The following INPP5A variants were observed in gnomAD, a reference collection of about 807,000 sequenced individuals.
INPP5A encodes 43 kDa inositol polyphosphate 5-phophatase.
A neutral mutation model predicts 65.2 loss-of-function variants in INPP5A; 14 were observed. The ratio of observed to expected loss-of-function variants is 0.21; its 90% CI spans 0.14 to 0.34. The LOEUF (loss-of-function observed/expected upper bound fraction) is 0.34. Among genes scored for constraint, INPP5A ranks in the 10% least tolerant of loss-of-function variants. The pLI is 1.00. For missense variants in INPP5A, 431 were observed against 545.6 expected (o/e 0.79, Z 2.09); for synonymous variants, 207 against 208.3 (o/e 0.99, Z 0.05).
chr10:132,719,762 T>C (rs1344521376), intron 8 of INPP5A, among the ~76,000 whole-genome samples: 1 of 118,444 alleles, frequency 8.4e-6, no homozygotes, highest in African/African-American at 3.2e-5. Context: ...CCTGGGTTCT[T>C]TCTGTGTGCC....
At chr10:132,690,521 C>G in intron 5 of INPP5A, 66 bp downstream of exon 5, 1 of 1,164,356 alleles carries the variant, frequency 8.6e-7, no homozygotes, top group Non-Finnish European at 1.3e-6. Context: ...TCTGGCTTCC[C>G]CAGACCTCTC....
At chr10:132,763,219 C>T (rs1392381549) in intron 11 of INPP5A, among the ~76,000 whole-genome samples, 1 of 152,200 alleles carries the variant, frequency 6.6e-6, no homozygotes, top group East Asian at 1.9e-4. Context: ...CAGCAGATCT[C>T]ATAGATGCTC....
intron 11 of INPP5A, among the ~76,000 whole-genome samples, 188 bp downstream of exon 11, chr10:132,750,033 T>A (rs1846446054): frequency 6.6e-6 from 1 of 152,106 alleles, no homozygotes. Flanking sequence ...CCGGGCCAGG[T>A]TGGGTGGAGG....
At chr10:132,605,932 C>T (rs2071843063) in intron 1 of INPP5A, among the ~76,000 whole-genome samples, 1 of 152,214 alleles carries the variant, frequency 6.6e-6, no homozygotes, top group Non-Finnish European at 1.5e-5. Context: ...CGTGTTAGGA[C>T]TGTCTGGGCT....
intron 11 of INPP5A, among the ~76,000 whole-genome samples, chr10:132,761,206 G>A (rs182605597): frequency 2.0e-5 from 3 of 152,338 alleles, no homozygotes; most frequent in Admixed American, 1.3e-4. Flanking sequence ...AGACTTCTAT[G>A]AACTTGCATC....
chr10:132,753,172 T>C lies in INPP5A; in HGVS notation c.903+3327T>C, dbSNP rs1184395875. 6.6e-6 allele frequency among the ~76,000 whole-genome samples: 1 copy of C among 152,158 alleles called. No individual in the cohort carries two copies. The highest frequency in any genetic ancestry group is 1.5e-5 in the Non-Finnish European group (1 of 68,032). ...CCTGCTGACCCGGGTGCCCTCGCACTTGCCCGAGGTGCCGGCATGCCGAGT... is the reference window on the plus strand; with the variant it reads ...CCTGCTGACCCGGGTGCCCTCGCACCTGCCCGAGGTGCCGGCATGCCGAGT... On this transcript the variant is annotated intron_variant, in intron 11 of 15. Coordinates refer to ENST00000368594, the MANE Select transcript of INPP5A (RefSeq NM_005539.5). This position sits in a 1 kb window ranked among gnomAD's most constrained non-coding sequence, Gnocchi z 5.3.
At chr10:132,562,107 G>A (rs1353526835) in intron 1 of INPP5A, among the ~76,000 whole-genome samples, 1 of 152,280 alleles carries the variant, frequency 6.6e-6, no homozygotes, top group African/African-American at 2.4e-5. Context: ...GCGGCCTCCT[G>A]TGAAGAGGGG....
At chr10:132,598,863 A>C (rs966832715) in intron 1 of INPP5A, among the ~76,000 whole-genome samples, 7 of 152,210 alleles carry the variant, frequency 4.6e-5, no homozygotes, top group African/African-American at 1.7e-4. Context: ...GCAGCAAGAG[A>C]AAATGAGAGA....
At chr10:132,570,889 T>G (rs575534274) in intron 1 of INPP5A, among the ~76,000 whole-genome samples, 1 of 152,350 alleles carries the variant, frequency 6.6e-6, no homozygotes, top group East Asian at 1.9e-4. Flanking sequence ...TTCCGGCCGC[T>G]GCTGCTCTCA....
intron 11 of INPP5A, among the ~76,000 whole-genome samples, chr10:132,764,231 T>G (rs1481068967): frequency 6.6e-6 from 1 of 152,342 alleles, no homozygotes; most frequent in Non-Finnish European, 1.5e-5. Flanking sequence ...ATGGACGAGG[T>G]CACAGGAAGA....
In INPP5A at chr10:132,546,307, T is replaced by A. The variant is rs974541170; in HGVS notation, c.75+8136T>A. Among the ~76,000 whole-genome samples the A allele has an allele frequency of 4.6e-5, 7 of 152,194 alleles. No individual in the cohort carries two copies. The highest frequency in any genetic ancestry group is 1.7e-4 in the African/African-American group (7 of 41,444). The stretch of plus-strand genomic sequence containing the variant: ...TGAGTGTTGGGAAAAGGCCCTCTGC[T>A]GCCGCTCCAGGTTCAGAAGATGCCG... On this transcript the variant is annotated intron_variant, in intron 1 of 15. Transcript: ENST00000368594. The surrounding 1 kb of genome is among the most constrained non-coding windows in gnomAD (Gnocchi z 5.7).
At chr10:132,716,000 C>A (rs555551264) in intron 8 of INPP5A, among the ~76,000 whole-genome samples, 1 of 152,242 alleles carries the variant, frequency 6.6e-6, no homozygotes, top group Non-Finnish European at 1.5e-5. Context: ...CTCTCCAGGG[C>A]GTGGTCGGTC....
chr10:132,612,088 A>AGGGT (rs2071967120), intron 2 of INPP5A, among the ~76,000 whole-genome samples: 1 of 47,946 alleles, frequency 2.1e-5, no homozygotes, highest in African/African-American at 8.6e-5. Flanking sequence ...CAGAGAGGGG[A>AGGGT]GAGGGAAGTG....
At chr10:132,672,575 A>G (rs1247052330) in intron 4 of INPP5A, among the ~76,000 whole-genome samples, 3 of 152,146 alleles carry the variant, frequency 2.0e-5, no homozygotes, top group African/African-American at 7.2e-5. Flanking sequence ...GCCTTCTGCC[A>G]TGATTGTGAG....
At chr10:132,748,050 C>CA (rs1292979844) in intron 9 of INPP5A, among the ~76,000 whole-genome samples, 2 of 151,994 alleles carry the variant, frequency 1.3e-5, no homozygotes, top group African/African-American at 2.4e-5. Context: ...ACCCTATCTG[C>CA]AAAAAAATTT....
intron 4 of INPP5A, among the ~76,000 whole-genome samples, chr10:132,685,185 G>A (rs1006886870): frequency 2.6e-5 from 4 of 152,236 alleles, no homozygotes; most frequent in East Asian, 1.9e-4. Context: ...TGATAAGCAC[G>A]GTCGGCCTTA....
At chr10:132,596,236 A>G (rs1023278871) in intron 1 of INPP5A, among the ~76,000 whole-genome samples, 1 of 152,220 alleles carries the variant, frequency 6.6e-6, no homozygotes, top group African/African-American at 2.4e-5. Context: ...TGGACGTGGC[A>G]TGGCGGCGTG....
intron 1 of INPP5A, among the ~76,000 whole-genome samples, chr10:132,576,595 C>A (rs1468489010): frequency 6.6e-6 from 1 of 152,248 alleles, no homozygotes; most frequent in Non-Finnish European, 1.5e-5. Context: ...TGATATCATT[C>A]ATTACCTTTT....
At chr10:132,661,785 T>TA (rs148287575) in intron 4 of INPP5A, among the ~76,000 whole-genome samples, 2,013 of 152,346 alleles carry the variant, frequency 0.013, 43 homozygotes, top group African/African-American at 0.046. Flanking sequence ...TAAGACTTCT[T>TA]TGAATCTCAA....
Sources: allele counts gnomAD v4.1 joint callset (sites outside exome capture counted in the v4.1 genomes callset), GRCh38; gene constraint gnomAD v4.1.1; non-coding constraint Gnocchi (gnomAD v3.1); transcripts MANE v1.5; gene names NCBI Gene and HGNC (gene_info 2026-07-23, HGNC 2026-07-21).